RP1L1: variants seen among roughly 807,000 people sequenced by gnomAD.
The protein encoded by RP1L1 is RP1 like 1.
RP1L1 carries 27 observed loss-of-function variants against 15.7 expected under a neutral mutation model. The ratio of observed to expected loss-of-function variants is 1.72; its 90% CI spans 1.27 to 2.38. RP1L1 has a LOEUF of 2.38. Among genes scored for constraint, RP1L1 ranks in the 30% most tolerant of loss-of-function variants. The pLI is 0.00. For missense variants in RP1L1, 4,798 were observed against 3,075.9 expected, an observed-to-expected ratio of 1.56 and a Z score of -13.24; for synonymous variants, 1,813 against 1,276.7, an observed-to-expected ratio of 1.42 and a Z score of -8.96.
intron 2 of RP1L1, among the ~76,000 whole-genome samples, chr8:10,618,535 C>A (rs571944240): frequency 1.3e-4 from 19 of 151,676 alleles, no homozygotes; most frequent in African/African-American, 4.1e-4. Context: ...AACAAACAAA[C>A]AAAAAAATTA....
Position 10,612,821 on chromosome 8 carries a change from C to G in RP1L1, c.1277G>C (p.Trp426Ser). Residue 426 changes from tryptophan to serine, a missense_variant, in exon 4 of 4, where the codon TGG (tryptophan) becomes TCG (serine). Transcript: ENST00000382483. Reference sequence around the variant, plus strand: ...GCAGCGGACGTGCTGGGCCAGTCCCCACCTCTTCCGAGCTGCCACTCTCTC... The same window carrying G: ...GCAGCGGACGTGCTGGGCCAGTCCCGACCTCTTCCGAGCTGCCACTCTCTC... ...QGERVAARKR[W>S]GLAQHVRCSG... 1 of 1,612,152 alleles carries G rather than the reference C, an allele frequency of 6.2e-7. No homozygotes were observed.
intron 2 of RP1L1, among the ~76,000 whole-genome samples, chr8:10,618,155 A>C (rs1798000882): frequency 1.3e-5 from 2 of 152,154 alleles, no homozygotes; most frequent in Non-Finnish European, 2.9e-5. Flanking sequence ...CTAGGAGCAA[A>C]TTACTTAACC....
Position 10,622,801 on chromosome 8 carries a change from C to A in RP1L1, c.401G>T (p.Gly134Val), listed in dbSNP as rs1006858155. The change falls in exon 2 of 4, where the codon GGC becomes GTC. Residue 134 changes from glycine to valine, a missense_variant. By Grantham distance (109) the Gly-to-Val change is moderately radical. Coordinates refer to ENST00000382483, the MANE Select transcript of RP1L1 (RefSeq NM_178857.6). ...GGAGGTGCCTGGGGCTTCACGCTGG[C>A]CTTCGACATCCCGCAACTGCTGAGC... Reference protein sequence around the residue: ...PTAQQLRDVEGQREAPGTSSS... With the variant: ...PTAQQLRDVEVQREAPGTSSS... 2.5e-6 allele frequency: 4 copies of A among 1,613,780 alleles called. No homozygotes were observed. Among genetic ancestry groups the A allele is most frequent in the Non-Finnish European group, 2.5e-6 (3 of 1,179,922 alleles).
intron 1 of RP1L1, among the ~76,000 whole-genome samples, chr8:10,634,984 G>A (rs1043765340): frequency 5.9e-5 from 9 of 152,204 alleles, no homozygotes; most frequent in African/African-American, 2.2e-4. Flanking sequence ...GAGTGCTGGG[G>A]CTTCTCAGTC....
chr8:10,622,741 A>G lies in RP1L1; in HGVS notation c.461T>C (p.Ile154Thr). 7 of 1,614,132 alleles carry G rather than the reference A, an allele frequency of 4.3e-6. No homozygotes were observed. Among genetic ancestry groups the G allele is most frequent in the Non-Finnish European group, 5.9e-6 (7 of 1,180,010 alleles). ...AGGGTCCATGTTCTTAATCAGCAGTATCCTCCGGGGGGTTTTAAGACTCTT... is the reference window on the plus strand; with the variant it reads ...AGGGTCCATGTTCTTAATCAGCAGTGTCCTCCGGGGGGTTTTAAGACTCTT... ...SRKSLKTPRR[I>T]LLIKNMDPRL... The change falls in exon 2 of 4, where the codon ATA (isoleucine) becomes ACA (threonine). Residue 154 changes from isoleucine (I) to threonine (T), a missense_variant. By Grantham distance (89) the Ile-to-Thr change is moderately conservative. Coordinates refer to ENST00000382483, the MANE Select transcript of RP1L1 (RefSeq NM_178857.6).
At chr8:10,615,539 T>G (rs1313779672) in intron 3 of RP1L1, among the ~76,000 whole-genome samples, 1 of 152,122 alleles carries the variant, frequency 6.6e-6, no homozygotes, top group African/African-American at 2.4e-5. Context: ...CCACTGTAGT[T>G]GTTTCTTTTT....
Position 10,621,880 on chromosome 8 carries a change from C to T in RP1L1, c.609+713G>A, listed in dbSNP as rs937273559. On this transcript the variant is annotated intron_variant, in intron 2 of 3. Transcript: ENST00000382483. ...ACATGCTGGGAGCCATTCCTGCAGA[C>T]CCAGCTTCCAATTCACTCTCTGGCT... is the stretch of plus-strand genomic sequence containing the variant. The T allele has an allele frequency of 6.2e-4, 264 of 425,160 alleles. 3 individuals carry two copies. The highest frequency in any genetic ancestry group is 4.3e-3 in the South Asian group (258 of 59,728). 26.3% of individuals were successfully genotyped at this position (425,160 alleles called of 1,614,324 possible).
rs751701092 is a variant in RP1L1, at chr8:10,611,387, T to C, written c.2711A>G (p.Asn904Ser). The C allele has an allele frequency of 6.8e-6, 11 of 1,607,566 alleles. No individual in the cohort carries two copies. Among genetic ancestry groups the C allele is most frequent in the East Asian group, 2.2e-5 (1 of 44,672 alleles). The change falls in exon 4 of 4, where the codon AAT (asparagine) becomes AGT (serine). Residue 904 changes from asparagine to serine, a missense_variant. Asn to Ser is a conservative substitution (Grantham distance 46). Coordinates refer to ENST00000382483, the MANE Select transcript of RP1L1 (RefSeq NM_178857.6). ...QPGPTPSPGPNSGASRRSSAS... is the reference protein window; with the variant it reads ...QPGPTPSPGPSSGASRRSSAS... ...ACTGCTTCTCCTTGATGCCCCTGAA[T>C]TGGGGCCTGGGGACGGCGTGGGGCC...
chr8:10,622,317 T>C (rs1231661840), intron 2 of RP1L1, among the ~76,000 whole-genome samples: 2 of 116,220 alleles, frequency 1.7e-5, no homozygotes. Context: ...TTAAACTCCA[T>C]CTCGAAAAAA....
chr8:10,650,912 A>T (rs142099653), intron 1 of RP1L1, among the ~76,000 whole-genome samples: 1 of 152,218 alleles, frequency 6.6e-6, no homozygotes, highest in Non-Finnish European at 1.5e-5. Flanking sequence ...TATGTAGAAC[A>T]TCTTACTTAA....
rs745543982 is a variant in RP1L1 at position 10,609,886 on chromosome 8, G to A, written c.4212C>T (p.Ser1404=). The change falls in exon 4 of 4, where the codon AGC becomes AGT. Residue 1404 remains serine (S), a synonymous_variant. Transcript: ENST00000382483. ...LKEEGLPEEG[S]VHGQELSEAS... is the part of the protein sequence containing the mutation. ...CCTCTGACAATTCCTGCCCGTGGAC[G>A]CTTCCTTCTTCTGGAAGTCCTTCCT... The A allele has an allele frequency of 7.5e-6, 12 of 1,593,932 alleles. No individual in the cohort carries two copies. Among genetic ancestry groups the A allele is most frequent in the East Asian group, 2.2e-5 (1 of 44,864 alleles).
intron 1 of RP1L1, among the ~76,000 whole-genome samples, chr8:10,652,666 T>C (rs1417883172): frequency 6.6e-6 from 1 of 150,764 alleles, no homozygotes; most frequent in Non-Finnish European, 1.5e-5. Context: ...CCTTCTGTAT[T>C]GAAGAAAAAA....
Position 10,616,383 on chromosome 8 carries a change from C to T in RP1L1, c.751+63G>A, listed in dbSNP as rs781747355. 65 of 1,607,770 alleles carry T rather than the reference C, an allele frequency of 4.0e-5. 2 individuals carry two copies. In the Middle Eastern group the frequency reaches 5.0e-3, roughly 123 times the overall value. On this transcript the variant is annotated intron_variant, in intron 3 of 3. Transcript: ENST00000382483. Reference sequence around the variant, plus strand: ...CCTGAATTACCTGGAAGGCTTTCCACTCAGCCCTACTGAACCACCATGCAG... The same window carrying T: ...CCTGAATTACCTGGAAGGCTTTCCATTCAGCCCTACTGAACCACCATGCAG...
Position 10,622,587 on chromosome 8 carries a change from G to GC in RP1L1, c.609+5dup. The GC allele has an allele frequency of 6.2e-7, 1 of 1,614,174 alleles. No homozygotes were observed. Among genetic ancestry groups the GC allele is most frequent in the Non-Finnish European group, 8.5e-7 (1 of 1,180,038 alleles). ...TTCAAGGAACCGTCAGACCCCAACA[G>GC]CCTACCTTTTTCCCGCTGGTCGTGT... On this transcript the variant is annotated splice_donor_region_variant and intron_variant, in intron 2 of 3. Transcript: ENST00000382483.
chr8:10,608,295 A>T lies in RP1L1; in HGVS notation c.5803T>A (p.Ser1935Thr), dbSNP rs1004561677. 2.5e-6 allele frequency: 4 copies of T among 1,571,834 alleles called. No individual in the cohort carries two copies. In the African/African-American group the frequency reaches 6.2e-5, roughly 24 times the overall value. The change falls in exon 4 of 4, where the codon TCA (serine) becomes ACA (threonine). Residue 1935 changes from serine (S) to threonine (T), a missense_variant. By Grantham distance (58) the Ser-to-Thr change is moderately conservative. Coordinates refer to ENST00000382483, the MANE Select transcript of RP1L1 (RefSeq NM_178857.6). Reference sequence around the variant, plus strand: ...GCCTCTTGGGCCTCTGCACCTTCTGACTCTGGCTCGTCCTCCCCTTCAGTC... The same window carrying T: ...GCCTCTTGGGCCTCTGCACCTTCTGTCTCTGGCTCGTCCTCCCCTTCAGTC... Reference protein sequence around the residue: ...LETEGEDEPESEGAEAQEAEE... With the variant: ...LETEGEDEPETEGAEAQEAEE...
At chr8:10,643,299 T>A (rs189268064) in intron 1 of RP1L1, among the ~76,000 whole-genome samples, 1 of 152,154 alleles carries the variant, frequency 6.6e-6, no homozygotes, top group African/African-American at 2.4e-5. Context: ...ATGATCACAC[T>A]ACTGCACTAC....
At position 10,610,949 on chromosome 8, in the gene RP1L1, C is replaced by T. The variant is rs1286842677; in HGVS notation, c.3149G>A (p.Gly1050Glu). 1.9e-6 allele frequency: 3 copies of T among 1,611,806 alleles called. No homozygotes were observed. Among genetic ancestry groups the T allele is most frequent in the African/African-American group, 2.7e-5 (2 of 74,900 alleles). ...GGCCTCTGCAGGGGCCTCGGAAACT[C>T]CCTCTGGAGCTGCCCCTTGGGGGAC... ...EGVPQGAAPE[G>E]VSEAPAEAGA... The change falls in exon 4 of 4, where the codon GGA (glycine) becomes GAA (glutamate). Residue 1050 changes from glycine (G) to glutamate (E), a missense_variant. Coordinates refer to ENST00000382483, the MANE Select transcript of RP1L1 (RefSeq NM_178857.6).
rs1460221651 is a variant in RP1L1, at chr8:10,631,596, A to G, written c.-19-8376T>C. On this transcript the variant is annotated intron_variant, in intron 1 of 3. Coordinates refer to ENST00000382483, the MANE Select transcript of RP1L1 (RefSeq NM_178857.6). ...AGATGGCCGGGAAATCCCACTGAAC[A>G]AAGGAGACATCCGAGGCTTGGCAAA... Among the ~76,000 whole-genome samples the G allele has an allele frequency of 1.8e-4, 28 of 152,216 alleles. 1 individual carries two copies. Among genetic ancestry groups the G allele is most frequent in the Non-Finnish European group, 4.1e-4 (28 of 68,048 alleles).
At position 10,622,726 on chromosome 8, in the gene RP1L1, T is replaced by C; in HGVS notation, c.476A>G (p.Asn159Ser). 1.2e-6 allele frequency: 2 copies of C among 1,614,166 alleles called. No homozygotes were observed. Among genetic ancestry groups the C allele is most frequent in the Non-Finnish European group, 1.7e-6 (2 of 1,180,034 alleles). ...KTPRRILLIK[N>S]MDPRLQQTVV... The stretch of plus-strand genomic sequence containing the variant: ...TGTCTGCTGGAGGCGAGGGTCCATG[T>C]TCTTAATCAGCAGTATCCTCCGGGG... The change falls in exon 2 of 4, where the codon AAC becomes AGC. Residue 159 changes from asparagine (N) to serine (S), a missense_variant. Coordinates refer to ENST00000382483, the MANE Select transcript of RP1L1 (RefSeq NM_178857.6).
Sources: gnomAD v4.1 joint callset for allele counts (sites outside exome capture counted in the v4.1 genomes callset) on GRCh38, gnomAD v4.1.1 for gene constraint, MANE v1.5 for transcripts, NCBI Gene and HGNC (gene_info 2026-07-23, HGNC 2026-07-21) for gene names.